FIBP: variants seen among roughly 807,000 people sequenced by gnomAD.
FIBP encodes the protein FGF1 intracellular binding protein.
FIBP carries 29 observed loss-of-function variants against 40.5 expected under a neutral mutation model. The observed-to-expected ratio is 0.72, with a 90% CI of 0.53 to 0.98. The LOEUF (loss-of-function observed/expected upper bound fraction) is 0.98, where lower values mean the gene tolerates loss of function less well. FIBP is among the 50% of genes least tolerant of loss of function. FIBP has a pLI of 0.00. For synonymous variants in FIBP, 215 were observed against 191.1 expected (o/e 1.13, Z -1.03); for missense variants, 411 against 470.2 (o/e 0.87, Z 1.16).
At chr11:65,887,505 T>C (rs1247595050) in intron 3 of FIBP, 95 bp downstream of exon 3, 2 of 1,345,770 alleles carry the variant, frequency 1.5e-6, no homozygotes, top group Non-Finnish European at 2.1e-6. Flanking sequence ...GGTATGAAGC[T>C]GCTGCCACAA....
rs112742796 is a variant in FIBP at position 65,885,529 on chromosome 11, C to A, written c.646+1G>T. 3 of 1,613,206 alleles carry A rather than the reference C, an allele frequency of 1.9e-6. No individual in the cohort carries two copies. In the East Asian group the frequency reaches 6.7e-5, roughly 36 times the overall value. ...GGCACCTGGGTCAGTGGGGGCCTCA[C>A]CGACGGCTCCAAGGGTCCAGTTTTG... is the stretch of plus-strand genomic sequence containing the variant. On this transcript the variant is annotated splice_donor_variant, in intron 5 of 9. Coordinates refer to ENST00000357519, the MANE Select transcript of FIBP (RefSeq NM_004214.5). LOFTEE classifies it high-confidence loss of function.
At position 65,885,584 on chromosome 11, in the gene FIBP, C is replaced by T; in HGVS notation, c.592G>A (p.Asp198Asn). 1.2e-6 allele frequency: 2 copies of T among 1,614,216 alleles called. No individual in the cohort carries two copies. Among genetic ancestry groups the T allele is most frequent in the Non-Finnish European group, 1.7e-6 (2 of 1,180,036 alleles). The part of the protein sequence containing the change: ...KKKLQYLSFG[D>N]FAFCAELMIQ... ...ATGAGCTCAGCGCAGAAGGCAAAGT[C>T]ACCGAAGCTCAGATACTGCAGTTTT... is the stretch of plus-strand genomic sequence containing the variant. Residue 198 changes from aspartate to asparagine, a missense_variant, in exon 5 of 10, where the codon GAC becomes AAC. Coordinates refer to ENST00000357519, the MANE Select transcript of FIBP (RefSeq NM_004214.5).
Position 65,888,343 on chromosome 11 carries a change from C to T in FIBP, c.76G>A (p.Gly26Ser). Reference protein sequence around the residue: ...DEDVYRLWLDGYSVTDAVALR... With the variant: ...DEDVYRLWLDSYSVTDAVALR... ...CACGCCCCTCACGGACCCGAGTAAC[C>T]ATCGAGCCAGAGGCGATACACGTCC... The change falls in exon 1 of 10, where the codon GGT (glycine) becomes AGT (serine). Residue 26 changes from glycine to serine, a missense_variant. Transcript: ENST00000357519. 6.4e-7 allele frequency: 1 copy of T among 1,554,750 alleles called. No individual in the cohort carries two copies. The highest frequency in any genetic ancestry group is 1.4e-5 in the African/African-American group (1 of 73,394).
In FIBP at chr11:65,885,521, G is replaced by A; in HGVS notation, c.646+9C>T. ...GGCGTCCAGGCACCTGGGTCAGTGG[G>A]GGCCTCACCGACGGCTCCAAGGGTC... On this transcript the variant is annotated intron_variant, in intron 5 of 9. Transcript: ENST00000357519. 1 of 1,612,582 alleles carries A rather than the reference G, an allele frequency of 6.2e-7. No individual in the cohort carries two copies. The highest frequency in any genetic ancestry group is 1.1e-5 in the South Asian group (1 of 91,014).
At chr11:65,884,785 T>C (rs998807884) in intron 7 of FIBP, 129 bp from the exon 8 acceptor site, 7 of 1,281,696 alleles carry the variant, frequency 5.5e-6, no homozygotes, top group African/African-American at 1.5e-5. Context: ...CAAGTCCCCA[T>C]TGTTTATGAG....
Position 65,884,056 on chromosome 11 carries a change from G to T in FIBP, c.1005-13C>A. On this transcript the variant is annotated splice_polypyrimidine_tract_variant and intron_variant, in intron 9 of 9. Coordinates refer to ENST00000357519, the MANE Select transcript of FIBP (RefSeq NM_004214.5). ...GAGGGCCTGGTGTCTGTAAGAACAT[G>T]AACAGTGACAGCTGAGTTTTCACAA... is the stretch of plus-strand genomic sequence containing the variant. 2.5e-6 allele frequency: 4 copies of T among 1,610,344 alleles called. No homozygotes were observed. Among genetic ancestry groups the T allele is most frequent in the South Asian group, 2.2e-5 (2 of 90,556 alleles).
At chr11:65,885,826 G>A (rs927143518) in intron 4 of FIBP, 163 bp from the exon 5 acceptor site, 8 of 677,754 alleles carry the variant, frequency 1.2e-5, no homozygotes, top group Non-Finnish European at 2.0e-5. Context: ...CCCCATCTGT[G>A]CGAAGAGAAG....
At position 65,888,455 on chromosome 11, in the gene FIBP, G is replaced by C; in HGVS notation, c.-37C>G. 1 of 1,500,026 alleles carries C rather than the reference G, an allele frequency of 6.7e-7. No individual in the cohort carries two copies. Among genetic ancestry groups the C allele is most frequent in the Non-Finnish European group, 9.1e-7 (1 of 1,103,166 alleles). 92.9% of individuals were successfully genotyped at this position (1,500,026 alleles called of 1,614,324 possible). A position where few individuals can be genotyped will look rare whatever the true frequency, so the allele number is the denominator to read the frequency against. ...GGGCCGCAGCGCCCCGAGCAGGAGC[G>C]AGCACTGCTCGGGACTGGCGCGCCG... On this transcript the variant is annotated 5_prime_UTR_variant, in exon 1 of 10. Coordinates refer to ENST00000357519, the MANE Select transcript of FIBP (RefSeq NM_004214.5).
Position 65,883,824 on chromosome 11 carries a change from G to T in FIBP, c.*150C>A. On this transcript the variant is annotated 3_prime_UTR_variant, in exon 10 of 10. Coordinates refer to ENST00000357519, the MANE Select transcript of FIBP (RefSeq NM_004214.5). Reference sequence around the variant, plus strand: ...ATGTCTCAGTTCCCAAGGAGCCACTGTACACATCCATCCTTGTACACGGAC... The same window carrying T: ...ATGTCTCAGTTCCCAAGGAGCCACTTTACACATCCATCCTTGTACACGGAC... 1 of 768,090 alleles carries T rather than the reference G, an allele frequency of 1.3e-6. No individual in the cohort carries two copies. Among genetic ancestry groups the T allele is most frequent in the Non-Finnish European group, 2.1e-6 (1 of 465,566 alleles). The allele number at this position is 768,090 out of a possible 1,614,324, so 47.6% of individuals were successfully genotyped here.
At chr11:65,887,883 G>A (rs779144896) in intron 2 of FIBP, 51 bp downstream of exon 2, 2 of 1,596,252 alleles carry the variant, frequency 1.3e-6, no homozygotes, top group Admixed American at 1.7e-5. Context: ...CCGGCAAAAT[G>A]GGTATACAGT....
In FIBP at chr11:65,885,058, A is replaced by G. The variant is rs766790271; in HGVS notation, c.755+20T>C. 3 of 1,613,520 alleles carry G rather than the reference A, an allele frequency of 1.9e-6. No individual in the cohort carries two copies. Among genetic ancestry groups the G allele is most frequent in the Middle Eastern group, 3.3e-4 (2 of 6,062 alleles). On this transcript the variant is annotated intron_variant, in intron 6 of 9. Coordinates refer to ENST00000357519, the MANE Select transcript of FIBP (RefSeq NM_004214.5). ...GGGCCCCTACTGCAGGCCCCGCCCC[A>G]TGGGCCCCTACAAGGTCACCTCTTG...
intron 3 of FIBP, 59 bp from the exon 4 acceptor site, chr11:65,886,481 C>T (rs1321224784): frequency 9.2e-7 from 1 of 1,091,208 alleles, no homozygotes; most frequent in African/African-American, 1.5e-5. Context: ...TGTCGCTCAC[C>T]CAATAAACCA....
In FIBP at chr11:65,888,129, G is replaced by A; in HGVS notation, c.89C>T (p.Thr30Ile). 1.3e-6 allele frequency: 2 copies of A among 1,566,666 alleles called. No individual in the cohort carries two copies. Among genetic ancestry groups the A allele is most frequent in the South Asian group, 1.1e-5 (1 of 86,986 alleles). Residue 30 changes from threonine to isoleucine, a missense_variant, in exon 2 of 10, where the codon ACC (threonine) becomes ATC (isoleucine). Transcript: ENST00000357519. ...GCGCACCCGCAGGGCCACCGCGTCG[G>A]TCACTGGAAAGCGGACGCTAGCATC... ...YRLWLDGYSV[T>I]DAVALRVRSG...
At position 65,885,820 on chromosome 11, in the gene FIBP, A is replaced by C; in HGVS notation, c.513-157T>G. The C allele has an allele frequency of 4.2e-6, 3 of 707,522 alleles. No individual in the cohort carries two copies. In the South Asian group the frequency reaches 5.7e-5, roughly 13 times the overall value. The allele number at this position is 707,522 out of a possible 1,614,324, so 43.8% of individuals were successfully genotyped here. The stretch of plus-strand genomic sequence containing the variant: ...AGTCACTTCTCTATGACCCTTCCCC[A>C]TCTGTGCGAAGAGAAGGTTCCAGCT... On this transcript the variant is annotated intron_variant, in intron 4 of 9. Coordinates refer to ENST00000357519, the MANE Select transcript of FIBP (RefSeq NM_004214.5).
Position 65,888,424 on chromosome 11 carries a change from C to T in FIBP, c.-6G>A. On this transcript the variant is annotated 5_prime_UTR_variant, in exon 1 of 10. Transcript: ENST00000357519. ...ATGTCCAGCTCACTGGTCATGGCGA[C>T]GCCCGGGGCCGCAGCGCCCCGAGCA... The T allele has an allele frequency of 6.4e-7, 1 of 1,559,594 alleles. No individual in the cohort carries two copies. The highest frequency in any genetic ancestry group is 1.2e-5 in the South Asian group (1 of 85,072).
chr11:65,885,083 G>A lies in FIBP; in HGVS notation c.750C>T (p.His250=), dbSNP rs912150483. The A allele has an allele frequency of 1.2e-6, 2 of 1,613,808 alleles. No homozygotes were observed. The highest frequency in any genetic ancestry group is 1.1e-5 in the South Asian group (1 of 91,090). The change falls in exon 6 of 10, where the codon CAC becomes CAT. Residue 250 remains histidine, a synonymous_variant. Coordinates refer to ENST00000357519, the MANE Select transcript of FIBP (RefSeq NM_004214.5). Reference sequence around the variant, plus strand: ...ATGGGCCCCTACAAGGTCACCTCTTGTGCAGGTCCAGAAGGTCCTTGTCAG... The same window carrying A: ...ATGGGCCCCTACAAGGTCACCTCTTATGCAGGTCCAGAAGGTCCTTGTCAG... ...LVADKDLLDL[H]KSLVCTALRG... is the part of the protein sequence containing the mutation.
chr11:65,885,729 G>T (rs1860218397), intron 4 of FIBP, 66 bp from the exon 5 acceptor site: 8 of 1,497,538 alleles, frequency 5.3e-6, no homozygotes, highest in Non-Finnish European at 6.3e-6. Context: ...GCTCCCACCT[G>T]CAACCTCAGC....
At chr11:65,884,766 T>C in intron 7 of FIBP, 110 bp from the exon 8 acceptor site, 1 of 1,322,724 alleles carries the variant, frequency 7.6e-7, no homozygotes. Context: ...TCCACCTCCC[T>C]CCATCAACCA....
At chr11:65,885,353 T>C in intron 5 of FIBP, 167 bp from the exon 6 acceptor site, 1 of 921,336 alleles carries the variant, frequency 1.1e-6, no homozygotes, top group Non-Finnish European at 1.7e-6. Context: ...AATGGGCCCT[T>C]TGTCTGCAGA....
Sources: allele counts gnomAD v4.1 joint callset, GRCh38; gene constraint gnomAD v4.1.1; transcripts MANE v1.5; gene names NCBI Gene and HGNC (gene_info 2026-07-23, HGNC 2026-07-21).